Variants in HFM1 observed in about 807,000 individuals in gnomAD.
The protein encoded by HFM1 is probable ATP-dependent DNA helicase HFM1.
Under a neutral mutation model 192.1 loss-of-function variants are expected in HFM1, and 169 were observed. The ratio of observed to expected loss-of-function variants is 0.88; its 90% CI spans 0.78 to 1.00. The LOEUF (loss-of-function observed/expected upper bound fraction) is 1.00. HFM1 is among the 50% of genes least tolerant of loss of function. The pLI, the probability that HFM1 is intolerant of heterozygous loss-of-function variation, is 0.00. For synonymous variants in HFM1, 525 were observed against 537.8 expected (o/e 0.98, Z 0.33); for missense variants, 1,661 against 1,668.0 (o/e 1.00, Z 0.07).
At chr1:91,303,882 G>C (rs1286908243) in intron 30 of HFM1, among the ~76,000 whole-genome samples, 6 of 152,134 alleles carry the variant, frequency 3.9e-5, no homozygotes, top group African/African-American at 1.2e-4. Context: ...GTCTCACTCT[G>C]TCACCCAGGT....
chr1:91,287,345 C>G (rs375555281), intron 30 of HFM1, among the ~76,000 whole-genome samples: 39 of 152,280 alleles, frequency 2.6e-4, no homozygotes, highest in South Asian at 4.1e-4. Context: ...TCAAGTGAGT[C>G]CCTGACCCCT....
chr1:91,268,192 A>G (rs1665944992), intron 34 of HFM1, among the ~76,000 whole-genome samples: 1 of 151,976 alleles, frequency 6.6e-6, no homozygotes, highest in African/African-American at 2.4e-5. Context: ...TTTTCAATAC[A>G]TTTTTTAGGC....
rs1665240095 is a variant in HFM1, at chr1:91,262,311, T to C, written c.4168A>G (p.Asn1390Asp). The C allele has an allele frequency of 6.6e-7, 1 of 1,517,620 alleles. No homozygotes were observed. Among genetic ancestry groups the C allele is most frequent in the East Asian group, 2.3e-5 (1 of 43,854 alleles). 94.0% of individuals were successfully genotyped at this position (1,517,620 alleles called of 1,614,324 possible). A position where few individuals can be genotyped will look rare whatever the true frequency, so the allele number is the denominator to read the frequency against. Reference sequence around the variant, plus strand: ...TCCACTTTTTTATAATTTGAAGAATTTGGGTTTTTTTCAGAGAAAGTAAAG... The same window carrying C: ...TCCACTTTTTTATAATTTGAAGAATCTGGGTTTTTTTCAGAGAAAGTAAAG... ...QCFTFSEKNPNSSNYKKVDFF... is the reference protein window; with the variant it reads ...QCFTFSEKNPDSSNYKKVDFF... The change falls in exon 38 of 39, where the codon AAT (asparagine) becomes GAT (aspartate). Residue 1390 changes from asparagine to aspartate, a missense_variant. Physicochemically the swap from Asn to Asp is conservative, Grantham distance 23. Transcript: ENST00000370425.
chr1:91,275,230 G>A (rs973259969), intron 32 of HFM1, among the ~76,000 whole-genome samples: 2 of 151,976 alleles, frequency 1.3e-5, no homozygotes, highest in African/African-American at 2.4e-5. Context: ...TGATCCACCC[G>A]CCTCGGCCTC....
At chr1:91,299,525 T>G (rs977901793) in intron 30 of HFM1, among the ~76,000 whole-genome samples, 2 of 152,074 alleles carry the variant, frequency 1.3e-5, no homozygotes, top group Admixed American at 1.3e-4. Flanking sequence ...ATTGACCACA[T>G]AGTTGGAAGT....
intron 30 of HFM1, among the ~76,000 whole-genome samples, chr1:91,296,210 C>T (rs566451723): frequency 1.3e-4 from 20 of 152,298 alleles, no homozygotes; most frequent in Non-Finnish European, 1.9e-4. Flanking sequence ...TGAGCCACCG[C>T]GCCCAGACTG....
intron 30 of HFM1, among the ~76,000 whole-genome samples, chr1:91,287,645 A>G (rs376825558): frequency 2.8e-4 from 43 of 152,312 alleles, no homozygotes; most frequent in Middle Eastern, 3.4e-3. Context: ...CACCAGCAAC[A>G]GAACAAAGCT....
chr1:91,382,051 C>G (rs1661609372), intron 6 of HFM1, among the ~76,000 whole-genome samples: 1 of 152,092 alleles, frequency 6.6e-6, no homozygotes, highest in Non-Finnish European at 1.5e-5. Flanking sequence ...CTCTTTCTCC[C>G]TGACTCATCT....
intron 30 of HFM1, among the ~76,000 whole-genome samples, chr1:91,286,968 C>T (rs534742842): frequency 1.3e-5 from 2 of 152,026 alleles, no homozygotes; most frequent in African/African-American, 2.4e-5. Context: ...TAAAAAACGG[C>T]GCACCACGAG....
chr1:91,263,903 T>C (rs1665420201), intron 36 of HFM1, among the ~76,000 whole-genome samples: 1 of 152,162 alleles, frequency 6.6e-6, no homozygotes, highest in African/African-American at 2.4e-5. Context: ...TTGTTGTTTT[T>C]TAAAGGTGTG....
At chr1:91,328,565 G>A (rs1369869383) in intron 20 of HFM1, 1 of 1,611,376 alleles carries the variant, frequency 6.2e-7, no homozygotes, top group African/African-American at 1.3e-5. Context: ...GAGACCACCA[G>A]CCACCTGATA....
chr1:91,365,051 C>A (rs1434284024), intron 13 of HFM1, among the ~76,000 whole-genome samples: 1 of 151,926 alleles, frequency 6.6e-6, no homozygotes, highest in Non-Finnish European at 1.5e-5. Context: ...CATGGCTGGA[C>A]CTGGAGTACA....
intron 20 of HFM1, chr1:91,329,652 A>G (rs1360195197): frequency 1.6e-6 from 1 of 637,146 alleles, no homozygotes; most frequent in Admixed American, 3.1e-5. Flanking sequence ...CCTTTTCAGT[A>G]GTGCTAGTCC....
intron 30 of HFM1, among the ~76,000 whole-genome samples, chr1:91,284,980 G>A (rs1009418632): frequency 6.6e-6 from 1 of 152,034 alleles, no homozygotes; most frequent in Admixed American, 6.6e-5. Context: ...TGAATCATGG[G>A]GGCAGTTTCC....
chr1:91,262,460 C>T (rs1557742336), intron 37 of HFM1, 21 bp downstream of exon 37: 1 of 1,566,390 alleles, frequency 6.4e-7, no homozygotes. Context: ...AAAAGAAAAA[C>T]AAAGAAGTGC....
intron 21 of HFM1, 63 bp downstream of exon 21, chr1:91,324,608 GTTGT>G: frequency 1.3e-6 from 1 of 743,876 alleles, no homozygotes; most frequent in Non-Finnish European, 2.3e-6. Flanking sequence ...ACACAAATTA[GTTGT>G]TTCTCAAATA....
chr1:91,293,172 G>C (rs1347974288), intron 30 of HFM1, among the ~76,000 whole-genome samples: 4 of 152,214 alleles, frequency 2.6e-5, no homozygotes, highest in South Asian at 4.1e-4. Flanking sequence ...AACACCAAAA[G>C]CAATGGCAAC....
intron 3 of HFM1, among the ~76,000 whole-genome samples, chr1:91,395,776 T>TA (rs1309785229): frequency 1.3e-5 from 2 of 152,100 alleles, no homozygotes; most frequent in African/African-American, 2.4e-5. Flanking sequence ...TCAGAGTTTT[T>TA]AAAAAAATAT....
intron 30 of HFM1, among the ~76,000 whole-genome samples, chr1:91,287,669 C>T (rs1291223596): frequency 1.3e-5 from 2 of 152,102 alleles, no homozygotes; most frequent in African/African-American, 2.4e-5. Flanking sequence ...CGGAGAATGA[C>T]TTTGACGAGC....
Sources: gnomAD v4.1 joint callset for allele counts (sites outside exome capture counted in the v4.1 genomes callset) on GRCh38, gnomAD v4.1.1 for gene constraint, MANE v1.5 for transcripts, NCBI Gene and HGNC (gene_info 2026-07-23, HGNC 2026-07-21) for gene names.